Variants in PPP2CA observed in about 807,000 individuals in gnomAD.
PPP2CA encodes the protein serine/threonine-protein phosphatase 2A catalytic subunit alpha isoform.
In PPP2CA, 5 loss-of-function variants were observed where a neutral mutation model predicts 38.8. The ratio of observed to expected loss-of-function variants is 0.13; its 90% CI spans 0.07 to 0.27. The LOEUF (loss-of-function observed/expected upper bound fraction) is 0.27, where lower values mean the gene tolerates loss of function less well. Among genes scored for constraint, PPP2CA ranks in the 10% least tolerant of loss-of-function variants. PPP2CA has a pLI of 1.00. For missense variants in PPP2CA, 88 were observed against 389.7 expected (o/e 0.23, Z 6.52); for synonymous variants, 152 against 134.0 (o/e 1.13, Z -0.93).
rs1191999720 is a variant in PPP2CA at position 134,224,220 on chromosome 5, T to C, written c.102+1540A>G. ...AGACCTGGCAATATACATTCATTTT[T>C]AAAGGCCAATTTTAAACCTTTAAAA... On this transcript the variant is annotated intron_variant, in intron 1 of 6. Transcript: ENST00000481195. The C allele has an allele frequency of 1.3e-5, 6 of 448,326 alleles. No individual in the cohort carries two copies. The East Asian group carries it at 2.1e-4, about 16-fold the overall frequency. The allele number at this position is 448,326 out of a possible 1,614,324, so 27.8% of individuals were successfully genotyped here.
intron 1 of PPP2CA, among the ~76,000 whole-genome samples, chr5:134,210,661 T>C (rs1762184376): frequency 6.6e-6 from 1 of 152,084 alleles, no homozygotes; most frequent in South Asian, 2.1e-4. Context: ...CTGACCAACA[T>C]AGTGAAACCC....
chr5:134,200,309 G>C, intron 5 of PPP2CA, 26 bp downstream of exon 5: 2 of 1,564,226 alleles, frequency 1.3e-6, no homozygotes, highest in Non-Finnish European at 1.7e-6. Context: ...AAAAAAACAA[G>C]TCATATTTCA....
At chr5:134,213,399 C>T (rs6596172) in intron 1 of PPP2CA, among the ~76,000 whole-genome samples, 117,198 of 151,568 alleles carry the variant, frequency 0.77, 45,771 homozygotes, top group Non-Finnish European at 0.82. Context: ...AAGTGCATTA[C>T]TGAGACCTAC....
chr5:134,215,407 C>CA (rs1352048078), intron 1 of PPP2CA, among the ~76,000 whole-genome samples: 83 of 147,532 alleles, frequency 5.6e-4, no homozygotes, highest in South Asian at 1.1e-3. Context: ...CCATCTCTAC[C>CA]AAAAAAAAAA....
chr5:134,216,811 A>C (rs545040355), intron 1 of PPP2CA, among the ~76,000 whole-genome samples: 1 of 152,264 alleles, frequency 6.6e-6, no homozygotes, highest in African/African-American at 2.4e-5. Context: ...GACAGAAATC[A>C]AGTTTCTGTA....
In PPP2CA at chr5:134,215,489, C is replaced by T. The variant is rs534083518; in HGVS notation, c.103-9358G>A. On this transcript the variant is annotated intron_variant, in intron 1 of 6. Coordinates refer to ENST00000481195, the MANE Select transcript of PPP2CA (RefSeq NM_002715.4). Reference sequence around the variant, plus strand: ...ACTCAGGAGGCTGAGGCAGGAGAATCGCTTGAACCCAGGAGGTGGAGGTTG... The same window carrying T: ...ACTCAGGAGGCTGAGGCAGGAGAATTGCTTGAACCCAGGAGGTGGAGGTTG... Among the ~76,000 whole-genome samples, 12 of 152,238 alleles carry T rather than the reference C, an allele frequency of 7.9e-5. No individual in the cohort carries two copies. In the East Asian group the frequency reaches 2.1e-3, roughly 27 times the overall value.
At chr5:134,219,355 G>A (rs536370579) in intron 1 of PPP2CA, among the ~76,000 whole-genome samples, 1 of 152,306 alleles carries the variant, frequency 6.6e-6, no homozygotes, top group African/African-American at 2.4e-5. Context: ...ACTGTCACAC[G>A]ATAGCATCAA....
chr5:134,211,640 AT>A (rs57235538), intron 1 of PPP2CA, among the ~76,000 whole-genome samples: 119,920 of 141,304 alleles, frequency 0.85, 50,992 homozygotes, highest in Middle Eastern at 0.89. Flanking sequence ...CTCCCAGCTA[AT>A]TTTTTTTTTT....
chr5:134,216,229 C>G (rs1762316707), intron 1 of PPP2CA, among the ~76,000 whole-genome samples: 1 of 151,950 alleles, frequency 6.6e-6, no homozygotes, highest in African/African-American at 2.4e-5. Context: ...AAAGCATTCT[C>G]CTAAAGGTAT....
At position 134,216,883 on chromosome 5, in the gene PPP2CA, T is replaced by C. The variant is rs185276195; in HGVS notation, c.102+8877A>G. 2.6e-5 allele frequency among the ~76,000 whole-genome samples: 4 copies of C among 152,312 alleles called. No homozygotes were observed. The East Asian group carries it at 5.8e-4, about 22-fold the overall frequency. On this transcript the variant is annotated intron_variant, in intron 1 of 6. Transcript: ENST00000481195. ...GGCCTAACCTGTCTTCTCTGTAGCA[T>C]CAAACTCAAAATCAGACACAAATAA...
intron 1 of PPP2CA, 138 bp downstream of exon 1, chr5:134,225,622 G>C (rs1470557959): frequency 4.5e-6 from 3 of 665,176 alleles, no homozygotes; most frequent in East Asian, 3.4e-5. Flanking sequence ...AGCCGCCGCC[G>C]GCCAGGATGG....
intron 2 of PPP2CA, among the ~76,000 whole-genome samples, chr5:134,202,972 T>C (rs114851239): frequency 5.9e-4 from 90 of 152,354 alleles, no homozygotes; most frequent in African/African-American, 2.0e-3. Flanking sequence ...CTGATTACAA[T>C]TGATATCAAG....
At chr5:134,210,565 C>T (rs1433258118) in intron 1 of PPP2CA, among the ~76,000 whole-genome samples, 1 of 152,110 alleles carries the variant, frequency 6.6e-6, no homozygotes, top group African/African-American at 2.4e-5. Context: ...TAATTAGGGC[C>T]GAGCACAGTG....
chr5:134,199,930 T>C (rs974868859), intron 5 of PPP2CA, among the ~76,000 whole-genome samples: 2 of 152,242 alleles, frequency 1.3e-5, no homozygotes, highest in African/African-American at 2.4e-5. Flanking sequence ...TTCTTTCAAA[T>C]CACCTGTAAT....
At chr5:134,224,664 T>C (rs1762524534) in intron 1 of PPP2CA, among the ~76,000 whole-genome samples, 1 of 152,192 alleles carries the variant, frequency 6.6e-6, no homozygotes, top group Non-Finnish European at 1.5e-5. Flanking sequence ...GAAAACTGAG[T>C]TACAAGAATT....
Position 134,225,919 on chromosome 5 carries a change from C to G in PPP2CA, c.-58G>C. On this transcript the variant is annotated 5_prime_UTR_variant, in exon 1 of 7. Transcript: ENST00000481195. ...CGCTGCTCCCGCGCCGCCGCCCGCACACGGGCCTACACGCACACGCCGCCG... is the reference window on the plus strand; with the variant it reads ...CGCTGCTCCCGCGCCGCCGCCCGCAGACGGGCCTACACGCACACGCCGCCG... 1.4e-6 allele frequency: 2 copies of G among 1,471,656 alleles called. No individual in the cohort carries two copies. The highest frequency in any genetic ancestry group is 9.3e-7 in the Non-Finnish European group (1 of 1,072,016). 91.2% of individuals were successfully genotyped at this position (1,471,656 alleles called of 1,614,324 possible).
At chr5:134,212,483 A>G (rs1341939924) in intron 1 of PPP2CA, among the ~76,000 whole-genome samples, 1 of 152,186 alleles carries the variant, frequency 6.6e-6, no homozygotes, top group Non-Finnish European at 1.5e-5. Context: ...CTGACTGGCC[A>G]TTCTGTCTCT....
intron 1 of PPP2CA, among the ~76,000 whole-genome samples, chr5:134,213,418 A>AG (rs1353329594): frequency 6.6e-6 from 1 of 151,332 alleles, no homozygotes; most frequent in Non-Finnish European, 1.5e-5. Flanking sequence ...ACTGCTCAGA[A>AG]AAAAAAAAAA....
intron 1 of PPP2CA, among the ~76,000 whole-genome samples, chr5:134,222,561 T>A (rs1402813589): frequency 1.3e-5 from 2 of 151,966 alleles, no homozygotes; most frequent in African/African-American, 4.8e-5. Flanking sequence ...AATCTGGCTA[T>A]CAAACAACGT....
Sources: gnomAD v4.1 joint callset for allele counts (sites outside exome capture counted in the v4.1 genomes callset) on GRCh38, gnomAD v4.1.1 for gene constraint, MANE v1.5 for transcripts, NCBI Gene and HGNC (gene_info 2026-07-23, HGNC 2026-07-21) for gene names.